The following ZDHHC20 variants were observed in gnomAD, a reference collection of about 807,000 sequenced individuals.
ZDHHC20 encodes palmitoyltransferase ZDHHC20.
Under a neutral mutation model 57.8 loss-of-function variants are expected in ZDHHC20, and 43 were observed. The observed-to-expected ratio is 0.74, with a 90% confidence interval of 0.58 to 0.96. ZDHHC20 has a LOEUF of 0.96. Ranked by LOEUF, ZDHHC20 falls within the 40% of genes least tolerant of loss-of-function variation. The pLI, the probability that ZDHHC20 is intolerant of heterozygous loss-of-function variation, is 0.00. For missense variants in ZDHHC20, 391 were observed against 441.1 expected (o/e 0.89, Z 1.02); for synonymous variants, 157 against 153.0 (o/e 1.03, Z -0.19).
chr13:21,421,218 A>C, intron 2 of ZDHHC20, 54 bp from the exon 3 acceptor site: 1 of 1,430,260 alleles, frequency 7.0e-7, no homozygotes, highest in Non-Finnish European at 9.8e-7. Flanking sequence ...AACAGCAAAA[A>C]GCATTACATT....
intron 6 of ZDHHC20, among the ~76,000 whole-genome samples, chr13:21,400,812 G>A (rs901356162): frequency 5.9e-5 from 9 of 151,900 alleles, no homozygotes; most frequent in Admixed American, 3.3e-4. Flanking sequence ...CCAGGTTCAC[G>A]TGATTCTCCT....
chr13:21,448,405 G>A lies in ZDHHC20; in HGVS notation c.118+10649C>T, dbSNP rs1328926392. ...CCCCGCCCGGCCAGCCGCCCCGTCC[G>A]GGAGGGAGGTGGGGGGGTCAGCCCC... On this transcript the variant is annotated intron_variant, in intron 1 of 12. Coordinates refer to ENST00000400590, the MANE Select transcript of ZDHHC20 (RefSeq NM_001330059.2). 1.4e-4 allele frequency among the ~76,000 whole-genome samples: 15 copies of A among 107,030 alleles called. No homozygotes were observed. In the East Asian group the frequency reaches 2.0e-3, roughly 14 times the overall value. 70.2% of individuals were successfully genotyped at this position (107,030 alleles called of 152,430 possible). A position where few individuals can be genotyped will look rare whatever the true frequency, so the allele number is the denominator to read the frequency against.
chr13:21,428,242 AC>A (rs1288942450), intron 1 of ZDHHC20, among the ~76,000 whole-genome samples: 1 of 151,960 alleles, frequency 6.6e-6, no homozygotes, highest in Non-Finnish European at 1.5e-5. Flanking sequence ...TGTTTTTGAG[AC>A]AGAGTTTTGT....
intron 4 of ZDHHC20, among the ~76,000 whole-genome samples, chr13:21,409,458 C>T (rs1878906493): frequency 6.6e-6 from 1 of 151,936 alleles, no homozygotes; most frequent in South Asian, 2.1e-4. Flanking sequence ...GGTGATATCC[C>T]CTTTATCATT....
In ZDHHC20 at chr13:21,400,461, T is replaced by C. The variant is rs1386162806; in HGVS notation, c.506A>G (p.Lys169Arg). Residue 169 changes from lysine to arginine, a missense_variant, in exon 7 of 13, where the codon AAA (lysine) becomes AGA (arginine). By Grantham distance (26) the Lys-to-Arg change is conservative. Transcript: ENST00000400590. Reference sequence around the variant, plus strand: ...ATACAATAAAAACAGCAGGAAGAATTTGTAATTAGAAAATCCCACACAGTT... The same window carrying C: ...ATACAATAAAAACAGCAGGAAGAATCTGTAATTAGAAAATCCCACACAGTT... Reference protein sequence around the residue: ...VNNCVGFSNYKFFLLFLLYSL... With the variant: ...VNNCVGFSNYRFFLLFLLYSL... 2 of 1,579,348 alleles carry C rather than the reference T, an allele frequency of 1.3e-6. No individual in the cohort carries two copies. Among genetic ancestry groups the C allele is most frequent in the Non-Finnish European group, 1.7e-6 (2 of 1,163,112 alleles).
chr13:21,417,479 GC>G (rs1370789499), intron 3 of ZDHHC20, among the ~76,000 whole-genome samples: 4 of 151,910 alleles, frequency 2.6e-5, no homozygotes, highest in Non-Finnish European at 1.5e-5. Flanking sequence ...CACTCTTGTT[GC>G]CCAGGCTGGA....
At chr13:21,393,831 GTGAGCCACCTGCGC>G (rs1295783818) in intron 7 of ZDHHC20, among the ~76,000 whole-genome samples, 2 of 151,504 alleles carry the variant, frequency 1.3e-5, no homozygotes, top group Non-Finnish European at 2.9e-5. Context: ...GACTACAGGC[GTGAGCCACCTGCGC>G]TGGGCCTGCA....
intron 3 of ZDHHC20, among the ~76,000 whole-genome samples, chr13:21,414,527 A>ATATTTTTTTTT (rs1555261215): frequency 3.4e-4 from 37 of 107,488 alleles, no homozygotes; most frequent in African/African-American, 1.1e-3. Flanking sequence ...TGCCCGGATA[A>ATATTTTTTTTT]TTTTTTTTTT....
chr13:21,413,956 A>C (rs1879579519), intron 3 of ZDHHC20, among the ~76,000 whole-genome samples, 184 bp from the exon 4 acceptor site: 1 of 152,190 alleles, frequency 6.6e-6, no homozygotes, highest in Non-Finnish European at 1.5e-5. Context: ...TGGCATATTA[A>C]AAAATATTTG....
At chr13:21,383,200 C>T (rs1405453162) in intron 9 of ZDHHC20, among the ~76,000 whole-genome samples, 191 bp from the exon 10 acceptor site, 1 of 152,150 alleles carries the variant, frequency 6.6e-6, no homozygotes. Context: ...CATATCTCAT[C>T]TTGAATTGTA....
chr13:21,444,241 C>T (rs1470293785), intron 1 of ZDHHC20, among the ~76,000 whole-genome samples: 1 of 152,166 alleles, frequency 6.6e-6, no homozygotes, highest in Non-Finnish European at 1.5e-5. Flanking sequence ...AGGCTTTAGG[C>T]TCTAAACAGA....
intron 3 of ZDHHC20, among the ~76,000 whole-genome samples, chr13:21,416,297 G>T (rs564904518): frequency 1.3e-5 from 2 of 151,828 alleles, no homozygotes; most frequent in African/African-American, 4.8e-5. Flanking sequence ...TTTAGATGAG[G>T]AATGGAACAA....
intron 7 of ZDHHC20, among the ~76,000 whole-genome samples, chr13:21,395,005 A>C (rs1876515786): frequency 6.6e-6 from 1 of 152,036 alleles, no homozygotes; most frequent in Admixed American, 6.6e-5. Context: ...CCTAACTATG[A>C]GTAGCAAGTT....
chr13:21,430,156 T>C (rs1277337889), intron 1 of ZDHHC20, among the ~76,000 whole-genome samples: 5 of 152,276 alleles, frequency 3.3e-5, no homozygotes, highest in East Asian at 3.9e-4. Context: ...CTGAAATGTT[T>C]TAGTATTATG....
At chr13:21,452,686 T>A (rs1313062402) in intron 1 of ZDHHC20, among the ~76,000 whole-genome samples, 1 of 152,120 alleles carries the variant, frequency 6.6e-6, no homozygotes, top group African/African-American at 2.4e-5. Context: ...AAGGCCAAGA[T>A]GGAAGAGATA....
At chr13:21,432,464 G>C (rs1194652494) in intron 1 of ZDHHC20, among the ~76,000 whole-genome samples, 2 of 152,002 alleles carry the variant, frequency 1.3e-5, no homozygotes, top group African/African-American at 4.8e-5. Flanking sequence ...TGAGTAGCTG[G>C]GACTGCAGGC....
chr13:21,378,746 C>T lies in ZDHHC20; in HGVS notation c.1061-8G>A, dbSNP rs1593162752. On this transcript the variant is annotated splice_polypyrimidine_tract_variant and splice_region_variant and intron_variant, in intron 11 of 12. Coordinates refer to ENST00000400590, the MANE Select transcript of ZDHHC20 (RefSeq NM_001330059.2). ...TTACATGGTTATTTGTCCCTGTAAG[C>T]ATATAATTATATATGACATGACAAA... is the stretch of plus-strand genomic sequence containing the variant. 1 of 1,210,034 alleles carries T rather than the reference C, an allele frequency of 8.3e-7. No homozygotes were observed. Among genetic ancestry groups the T allele is most frequent in the Admixed American group, 3.2e-5 (1 of 31,532 alleles). 75.0% of individuals were successfully genotyped at this position (1,210,034 alleles called of 1,614,324 possible). A position where few individuals can be genotyped will look rare whatever the true frequency, so the allele number is the denominator to read the frequency against.
chr13:21,385,451 A>T (rs1172283724), intron 9 of ZDHHC20, among the ~76,000 whole-genome samples: 1 of 152,194 alleles, frequency 6.6e-6, no homozygotes, highest in African/African-American at 2.4e-5. Flanking sequence ...TAAATATTTT[A>T]AAAATCTTAA....
In ZDHHC20 at chr13:21,414,527, A is replaced by ATTTTTTTTTTTTTTTTT. The variant is rs747307477; in HGVS notation, c.250-772_250-756dup. ...AGGCGCACGCCACTATGCCCGGATA[A>ATTTTTTTTTTTTTTTTT]TTTTTTTTTTTTTTTTTGTATTTTT... is the stretch of plus-strand genomic sequence containing the variant. On this transcript the variant is annotated intron_variant, in intron 3 of 12. Transcript: ENST00000400590. Among the ~76,000 whole-genome samples the ATTTTTTTTTTTTTTTTT allele has an allele frequency of 9.8e-4, 105 of 107,498 alleles. 7 individuals carry two copies. The highest frequency in any genetic ancestry group is 1.7e-3 in the Non-Finnish European group (83 of 49,262). The allele number at this position is 107,498 out of a possible 152,430, so 70.5% of individuals were successfully genotyped here.
Sources: gnomAD v4.1 joint callset for allele counts (sites outside exome capture counted in the v4.1 genomes callset) on GRCh38, gnomAD v4.1.1 for gene constraint, MANE v1.5 for transcripts, NCBI Gene and HGNC (gene_info 2026-07-23, HGNC 2026-07-21) for gene names.